The following ELSPBP1 variants were observed in gnomAD, a reference collection of about 807,000 sequenced individuals.
ELSPBP1 encodes epididymal sperm binding protein 1.
Under a neutral mutation model 33.3 loss-of-function variants are expected in ELSPBP1, and 38 were observed. The ratio of observed to expected loss-of-function variants is 1.14; its 90% CI spans 0.88 to 1.50. ELSPBP1 has a LOEUF of 1.50. Ranked by LOEUF, ELSPBP1 falls within the 40% of genes most tolerant of loss-of-function variation. ELSPBP1 has a pLI of 0.00. For synonymous variants in ELSPBP1, 85 were observed against 94.1 expected (o/e 0.90, Z 0.56); for missense variants, 267 against 263.5 (o/e 1.01, Z -0.09).
intron 1 of ELSPBP1, among the ~76,000 whole-genome samples, chr19:47,999,935 C>G (rs1364879311): frequency 2.6e-5 from 4 of 151,822 alleles, no homozygotes; most frequent in African/African-American, 9.7e-5. Context: ...TGATCCTTCC[C>G]CCTCAGCCTC....
chr19:48,009,250 CTG>C (rs1391420525), intron 2 of ELSPBP1, among the ~76,000 whole-genome samples: 1 of 151,980 alleles, frequency 6.6e-6, no homozygotes, highest in Admixed American at 6.6e-5. Flanking sequence ...AATTTCCAGA[CTG>C]TAAAAGAGAA....
chr19:47,997,179 CT>C (rs1966919635), intron 1 of ELSPBP1, among the ~76,000 whole-genome samples: 1 of 152,192 alleles, frequency 6.6e-6, no homozygotes, highest in Admixed American at 6.5e-5. Context: ...GCGCTTTGCT[CT>C]ATAGATGTTC....
At chr19:48,008,801 A>G (rs1967049081) in intron 2 of ELSPBP1, 64 bp downstream of exon 2, 1 of 1,448,822 alleles carries the variant, frequency 6.9e-7, no homozygotes, top group Admixed American at 1.8e-5. Flanking sequence ...GGGCAAAGCA[A>G]AGATTCCTGG....
chr19:48,025,137 G>A lies in ELSPBP1; in HGVS notation c.*193G>A, dbSNP rs1017329845. 2 of 152,202 alleles carry A rather than the reference G, an allele frequency of 1.3e-5. No individual in the cohort carries two copies. The highest frequency in any genetic ancestry group is 2.9e-5 in the Non-Finnish European group (2 of 68,038). The allele number at this position is 152,202 out of a possible 1,614,324, so 9.4% of individuals were successfully genotyped here. ...ATGCGGCATAACCACCAATAAAGGA[G>A]TCTTGATTTAACCCTGGGATCTGCC... On this transcript the variant is annotated 3_prime_UTR_variant, in exon 7 of 7. Transcript: ENST00000339841.
At position 48,016,661 on chromosome 19, in the gene ELSPBP1, T is replaced by A. The variant is rs376756864; in HGVS notation, c.355+622T>A. On this transcript the variant is annotated intron_variant, in intron 4 of 6. Transcript: ENST00000339841. Reference sequence around the variant, plus strand: ...TCACTCAGGCTGGAGTGCAGTGGAATGATCTCAGGTCACTGCAACCTCTGC... The same window carrying A: ...TCACTCAGGCTGGAGTGCAGTGGAAAGATCTCAGGTCACTGCAACCTCTGC... 6.3e-4 allele frequency among the ~76,000 whole-genome samples: 96 copies of A among 151,664 alleles called. 3 individuals are homozygous for A. The South Asian group carries it at 0.018, about 29-fold the overall frequency.
Position 48,019,854 on chromosome 19 carries a change from AGT to A in ELSPBP1, c.493_494del (p.Trp165GlufsTer24), listed in dbSNP as rs755659472. The A allele has an allele frequency of 9.1e-5, 131 of 1,445,306 alleles. 2 individuals carry two copies. In the South Asian group the frequency reaches 1.4e-3, roughly 16 times the overall value. The allele number at this position is 1,445,306 out of a possible 1,614,324, so 89.5% of individuals were successfully genotyped here. On this transcript the variant is annotated frameshift_variant, in exon 5 of 7. Coordinates refer to ENST00000339841, the MANE Select transcript of ELSPBP1 (RefSeq NM_022142.5). LOFTEE classifies it high-confidence loss of function. ...ACAGAGAACATGGATAAGGATGGAA[AGT>A]GGAGTTTCTGTGCCGACACCAGTAA...
At chr19:48,016,651 T>A (rs1417843692) in intron 4 of ELSPBP1, among the ~76,000 whole-genome samples, 1 of 151,444 alleles carries the variant, frequency 6.6e-6, no homozygotes, top group Non-Finnish European at 1.5e-5. Flanking sequence ...CAGGCTGGAG[T>A]GCAGTGGAAT....
At chr19:47,998,611 C>A (rs1013445860) in intron 1 of ELSPBP1, among the ~76,000 whole-genome samples, 3 of 151,716 alleles carry the variant, frequency 2.0e-5, no homozygotes, top group African/African-American at 7.3e-5. Flanking sequence ...ACAGTGAAAC[C>A]CCGTCTTTAC....
intron 1 of ELSPBP1, among the ~76,000 whole-genome samples, chr19:48,008,042 C>T (rs1967039563): frequency 6.6e-6 from 1 of 152,090 alleles, no homozygotes; most frequent in Non-Finnish European, 1.5e-5. Context: ...CATTGTTAGG[C>T]AATGTCGTCC....
At chr19:48,023,447 A>AAAGGGAGGAGGGAAGGAATGGAGG (rs1967228956) in intron 6 of ELSPBP1, among the ~76,000 whole-genome samples, 2 of 66,686 alleles carry the variant, frequency 3.0e-5, no homozygotes, top group African/African-American at 8.6e-5. Flanking sequence ...AGAAAGTAGG[A>AAAGGGAGGAGGGAAGGAATGGAGG]AAGGGAGGAG....
At chr19:48,016,072 T>A in intron 4 of ELSPBP1, 33 bp downstream of exon 4, 1 of 1,608,334 alleles carries the variant, frequency 6.2e-7, no homozygotes, top group Non-Finnish European at 8.5e-7. Flanking sequence ...GGATGTGTGG[T>A]GGGAGGGAGA....
chr19:48,014,852 T>C (rs1339037974), intron 3 of ELSPBP1, among the ~76,000 whole-genome samples: 1 of 152,180 alleles, frequency 6.6e-6, no homozygotes, highest in African/African-American at 2.4e-5. Context: ...TAGTGCTCTC[T>C]GGATGAGGGT....
intron 1 of ELSPBP1, among the ~76,000 whole-genome samples, chr19:48,007,188 C>A (rs16982091): frequency 6.6e-6 from 1 of 151,952 alleles, no homozygotes; most frequent in Non-Finnish European, 1.5e-5. Flanking sequence ...CTCGTGGCCA[C>A]CCGGAGACAC....
intron 6 of ELSPBP1, among the ~76,000 whole-genome samples, chr19:48,023,189 C>T (rs1396423226): frequency 3.4e-5 from 2 of 58,652 alleles, no homozygotes; most frequent in Admixed American, 4.3e-4. Context: ...GAAGAAAGAA[C>T]GGAGGGGAAA....
intron 1 of ELSPBP1, among the ~76,000 whole-genome samples, chr19:47,997,814 ACTCTT>A (rs1966925419): frequency 6.6e-6 from 1 of 152,080 alleles, no homozygotes; most frequent in African/African-American, 2.4e-5. Context: ...GAATATTGCA[ACTCTT>A]CTCTTCTAGG....
intron 1 of ELSPBP1, among the ~76,000 whole-genome samples, chr19:48,000,675 C>T (rs565268587): frequency 2.6e-5 from 4 of 152,284 alleles, no homozygotes; most frequent in East Asian, 3.9e-4. Context: ...CAACCACTTA[C>T]GTATTTCTCC....
intron 1 of ELSPBP1, among the ~76,000 whole-genome samples, chr19:48,007,013 C>T (rs1281453127): frequency 1.3e-5 from 2 of 152,110 alleles, no homozygotes; most frequent in Non-Finnish European, 2.9e-5. Context: ...GGACTTAAAT[C>T]AGTAACTTTG....
At chr19:48,019,965 C>G in intron 5 of ELSPBP1, 88 bp downstream of exon 5, 8 of 1,432,144 alleles carry the variant, frequency 5.6e-6, no homozygotes, top group Non-Finnish European at 7.5e-6. Context: ...CACTGTGAGC[C>G]AGGCACTGAG....
chr19:48,020,122 G>T (rs951551056), intron 5 of ELSPBP1, among the ~76,000 whole-genome samples: 1 of 152,142 alleles, frequency 6.6e-6, no homozygotes, highest in African/African-American at 2.4e-5. Flanking sequence ...TAACCATGAT[G>T]CAAATACAGA....
Sources: allele counts gnomAD v4.1 joint callset (sites outside exome capture counted in the v4.1 genomes callset), GRCh38; gene constraint gnomAD v4.1.1; transcripts MANE v1.5; gene names NCBI Gene and HGNC (gene_info 2026-07-23, HGNC 2026-07-21).